Variants in GABRB1 observed in about 807,000 individuals in gnomAD.
GABRB1 encodes gamma-aminobutyric acid receptor subunit beta-1.
A neutral mutation model predicts 51.6 loss-of-function variants in GABRB1; 17 were observed. The ratio of observed to expected loss-of-function variants is 0.33; its 90% CI spans 0.23 to 0.49. The LOEUF is 0.49. Among genes scored for constraint, GABRB1 ranks in the 20% least tolerant of loss-of-function variants. GABRB1 has a pLI of 0.99. For synonymous variants in GABRB1, 247 were observed against 218.9 expected (o/e 1.13, Z -1.14); for missense variants, 410 against 600.6 (o/e 0.68, Z 3.32).
At chr4:47,105,464 G>A (rs1357938131) in intron 3 of GABRB1, among the ~76,000 whole-genome samples, 1 of 152,048 alleles carries the variant, frequency 6.6e-6, no homozygotes, top group Non-Finnish European at 1.5e-5. Flanking sequence ...GCTTGCTTTG[G>A]TTCTTGTGGA....
chr4:47,375,396 A>T (rs1441975925), intron 5 of GABRB1, among the ~76,000 whole-genome samples: 1 of 152,210 alleles, frequency 6.6e-6, no homozygotes, highest in Non-Finnish European at 1.5e-5. Flanking sequence ...GGGAAATTTG[A>T]AAGATGTTTT....
Position 47,300,498 on chromosome 4 carries a change from T to C in GABRB1, c.462-19629T>C, listed in dbSNP as rs539533366. Reference sequence around the variant, plus strand: ...AATCTTAAATATTATGTAGTATTAATGTTAGCATATTTTATTTATATTAGC... The same window carrying C: ...AATCTTAAATATTATGTAGTATTAACGTTAGCATATTTTATTTATATTAGC... On this transcript the variant is annotated intron_variant, in intron 4 of 8. Transcript: ENST00000295454. 1.4e-4 allele frequency among the ~76,000 whole-genome samples: 21 copies of C among 152,296 alleles called. No individual in the cohort carries two copies. In the East Asian group the frequency reaches 4.0e-3, roughly 29 times the overall value.
Position 47,220,433 on chromosome 4 carries a change from G to A in GABRB1, c.461+58964G>A, listed in dbSNP as rs138994542. Among the ~76,000 whole-genome samples the A allele has an allele frequency of 4.8e-4, 73 of 151,980 alleles. 1 individual carries two copies. The East Asian group carries it at 0.012, about 25-fold the overall frequency. On this transcript the variant is annotated intron_variant, in intron 4 of 8. Transcript: ENST00000295454. ...TCCTCTTCTGCAATCACTCCGGTTT[G>A]TTAATCTCATCTATAATCATAGCTT...
At chr4:47,162,483 T>C (rs1228702611) in intron 4 of GABRB1, among the ~76,000 whole-genome samples, 1 of 151,996 alleles carries the variant, frequency 6.6e-6, no homozygotes. Flanking sequence ...AGAAAGAATA[T>C]GGTTTACATT....
At chr4:47,235,466 T>C (rs1412345920) in intron 4 of GABRB1, among the ~76,000 whole-genome samples, 1 of 152,006 alleles carries the variant, frequency 6.6e-6, no homozygotes, top group East Asian at 1.9e-4. Context: ...GAAGAATCGC[T>C]TGAACCAGGG....
At chr4:47,260,979 G>T (rs751873355) in intron 4 of GABRB1, among the ~76,000 whole-genome samples, 8 of 152,116 alleles carry the variant, frequency 5.3e-5, no homozygotes, top group Non-Finnish European at 1.2e-4. Context: ...GGCAGAACAG[G>T]CCTTTGACAA....
At chr4:47,106,980 T>C (rs561968320) in intron 3 of GABRB1, among the ~76,000 whole-genome samples, 1 of 152,060 alleles carries the variant, frequency 6.6e-6, no homozygotes, top group African/African-American at 2.4e-5. Flanking sequence ...GGCTTTTTAG[T>C]AGGCAGAAGA....
At chr4:47,086,512 A>T (rs1403302513) in intron 3 of GABRB1, among the ~76,000 whole-genome samples, 1 of 152,210 alleles carries the variant, frequency 6.6e-6, no homozygotes, top group Non-Finnish European at 1.5e-5. Flanking sequence ...CAAATTATTG[A>T]TGTACAAATG....
chr4:47,204,316 A>G (rs903647819), intron 4 of GABRB1, among the ~76,000 whole-genome samples: 1 of 152,158 alleles, frequency 6.6e-6, no homozygotes, highest in African/African-American at 2.4e-5. Context: ...GAATATGGTG[A>G]CAAACAGCAC....
intron 3 of GABRB1, among the ~76,000 whole-genome samples, chr4:47,048,211 A>G (rs1726183965): frequency 6.6e-6 from 1 of 152,140 alleles, no homozygotes; most frequent in African/African-American, 2.4e-5. Flanking sequence ...TTATTCAGTC[A>G]TAACCACACA....
chr4:47,073,884 A>C (rs1727443808), intron 3 of GABRB1, among the ~76,000 whole-genome samples: 1 of 152,150 alleles, frequency 6.6e-6, no homozygotes, highest in African/African-American at 2.4e-5. Flanking sequence ...AAGCAGCCAA[A>C]ATACAAACAG....
At chr4:47,070,867 A>C (rs1490968269) in intron 3 of GABRB1, among the ~76,000 whole-genome samples, 1 of 152,166 alleles carries the variant, frequency 6.6e-6, no homozygotes, top group Admixed American at 6.5e-5. Context: ...CACTCTAAGG[A>C]CTTTCTAAAT....
chr4:47,032,373 T>A, intron 2 of GABRB1, 44 bp from the exon 3 acceptor site: 4 of 1,523,052 alleles, frequency 2.6e-6, no homozygotes, highest in Non-Finnish European at 3.6e-6. Flanking sequence ...CAGCCTGCTG[T>A]CACTGAGAGA....
At chr4:47,070,477 G>A (rs939433337) in intron 3 of GABRB1, among the ~76,000 whole-genome samples, 4 of 151,912 alleles carry the variant, frequency 2.6e-5, no homozygotes, top group South Asian at 4.2e-4. Flanking sequence ...GATTACAGGC[G>A]CCAGCTACCA....
chr4:47,330,559 C>T (rs1194777724), intron 5 of GABRB1, among the ~76,000 whole-genome samples: 1 of 151,872 alleles, frequency 6.6e-6, no homozygotes, highest in East Asian at 1.9e-4. Flanking sequence ...GAAATAGATC[C>T]CTGCTTAAGA....
At chr4:47,207,909 T>C (rs1316169346) in intron 4 of GABRB1, among the ~76,000 whole-genome samples, 3 of 152,076 alleles carry the variant, frequency 2.0e-5, no homozygotes, top group Non-Finnish European at 2.9e-5. Flanking sequence ...CTTTAGATGT[T>C]ATTACTGCCT....
At chr4:47,098,760 G>A (rs1286001925) in intron 3 of GABRB1, among the ~76,000 whole-genome samples, 1 of 152,052 alleles carries the variant, frequency 6.6e-6, no homozygotes. Context: ...ATGATACACT[G>A]TGATATTGTA....
At chr4:47,073,259 T>C (rs1477465097) in intron 3 of GABRB1, among the ~76,000 whole-genome samples, 1 of 152,186 alleles carries the variant, frequency 6.6e-6, no homozygotes, top group Non-Finnish European at 1.5e-5. Flanking sequence ...TGTCTGGACA[T>C]ATTTAGAGCT....
chr4:47,205,617 T>C (rs1001046836), intron 4 of GABRB1, among the ~76,000 whole-genome samples: 1 of 152,168 alleles, frequency 6.6e-6, no homozygotes, highest in Non-Finnish European at 1.5e-5. Flanking sequence ...GATTTTGGTA[T>C]TGCATTGCCG....
Sources: allele counts gnomAD v4.1 joint callset (sites outside exome capture counted in the v4.1 genomes callset), GRCh38; gene constraint gnomAD v4.1.1; transcripts MANE v1.5; gene names NCBI Gene and HGNC (gene_info 2026-07-23, HGNC 2026-07-21).